KISS1: variants seen among roughly 807,000 people sequenced by gnomAD.
KISS1 encodes metastasis-suppressor KiSS-1.
For synonymous variants in KISS1, 97 were observed against 88.7 expected, an observed-to-expected ratio of 1.09 and a Z score of -0.52; for missense variants, 182 against 182.7, an observed-to-expected ratio of 1.00 and a Z score of 0.02.
At chr1:204,190,923 A>G in intron 2 of KISS1, 126 bp from the exon 3 acceptor site, 1 of 772,052 alleles carries the variant, frequency 1.3e-6, no homozygotes, top group South Asian at 1.8e-5. Context: ...GCTCAGTGCC[A>G]TGCGAACCAG....
chr1:204,195,292 A>ATG (rs1558254754), intron 1 of KISS1, among the ~76,000 whole-genome samples: 2 of 9,430 alleles, frequency 2.1e-4, no homozygotes, highest in African/African-American at 6.8e-4. Flanking sequence ...CACACCACAC[A>ATG]CATACACCCA....
chr1:204,194,528 G>C lies in KISS1; in HGVS notation c.-38-1614C>G, dbSNP rs540446230. 5.3e-4 allele frequency among the ~76,000 whole-genome samples: 80 copies of C among 152,318 alleles called. 1 individual carries two copies. In the South Asian group the frequency reaches 6.6e-3, roughly 13 times the overall value. On this transcript the variant is annotated intron_variant, in intron 1 of 2. Coordinates refer to ENST00000367194, the MANE Select transcript of KISS1 (RefSeq NM_002256.4). ...GCTGGTGCTGTGCTAGGTGCTAGGG[G>C]TGCACAGGTGTGCTAAGACAGAGTT...
chr1:204,195,291 CACAT>C (rs1298144436), intron 1 of KISS1, among the ~76,000 whole-genome samples: 1 of 123,028 alleles, frequency 8.1e-6, no homozygotes, highest in South Asian at 2.8e-4. Context: ...ACACACCACA[CACAT>C]ACACCCATAC....
At position 204,190,419 on chromosome 1, in the gene KISS1, C is replaced by CGCCCCG; in HGVS notation, c.*64_*65insCGGGGC. ...TCCCTTAGCCCTACGTCCCCGCCCCCCGCCCCCGCCCCGCATGCTCTGACT... is the reference window on the plus strand; with the variant it reads ...TCCCTTAGCCCTACGTCCCCGCCCCCGCCCCGCGCCCCCGCCCCGCATGCTCTGACT... On this transcript the variant is annotated 3_prime_UTR_variant, in exon 3 of 3. Coordinates refer to ENST00000367194, the MANE Select transcript of KISS1 (RefSeq NM_002256.4). 1 of 721,998 alleles carries CGCCCCG rather than the reference C, an allele frequency of 1.4e-6. No homozygotes were observed. The highest frequency in any genetic ancestry group is 2.4e-6 in the Non-Finnish European group (1 of 424,312). The allele number at this position is 721,998 out of a possible 1,614,324, so 44.7% of individuals were successfully genotyped here.
rs570076908 is a variant in KISS1 at position 204,192,216 on chromosome 1, C to T, written c.103+558G>A. Among the ~76,000 whole-genome samples the T allele has an allele frequency of 4.6e-5, 7 of 152,192 alleles. No individual in the cohort carries two copies. In the South Asian group the frequency reaches 1.5e-3, roughly 32 times the overall value. On this transcript the variant is annotated intron_variant, in intron 2 of 2. Coordinates refer to ENST00000367194, the MANE Select transcript of KISS1 (RefSeq NM_002256.4). This position sits in a 1 kb window ranked among gnomAD's most constrained non-coding sequence, Gnocchi z 4.2. ...TCTAGCTTGTGCCACTCACCAGACA[C>T]ACTCCTGGGGAGCTCTGACACCTGC...
rs75162074 is a variant in KISS1, at chr1:204,192,285, C to A, written c.103+489G>T. On this transcript the variant is annotated intron_variant, in intron 2 of 2. Transcript: ENST00000367194. This position sits in a 1 kb window ranked among gnomAD's most constrained non-coding sequence, Gnocchi z 4.2. ...GAGCGACTCTGGGGAAATCTCTTTA[C>A]CTCTGTGGGTCTCAAATTTTCCAGC... is the stretch of plus-strand genomic sequence containing the variant. Among the ~76,000 whole-genome samples the A allele has an allele frequency of 2.1e-4, 32 of 152,194 alleles. No homozygotes were observed. In the East Asian group the frequency reaches 6.0e-3, roughly 28 times the overall value.
chr1:204,191,909 G>A (rs528331384), intron 2 of KISS1, among the ~76,000 whole-genome samples: 1 of 152,352 alleles, frequency 6.6e-6, no homozygotes, highest in East Asian at 1.9e-4. Context: ...TCCCTGGGCA[G>A]TGTGGGGTTA....
Sources: allele counts gnomAD v4.1 joint callset (sites outside exome capture counted in the v4.1 genomes callset), GRCh38; gene constraint gnomAD v4.1.1; non-coding constraint Gnocchi (gnomAD v3.1); transcripts MANE v1.5; gene names NCBI Gene and HGNC (gene_info 2026-07-23, HGNC 2026-07-21).